Variants in RTL9 observed in about 807,000 individuals in gnomAD.
RTL9 encodes retrotransposon Gag like 9.
Under a neutral mutation model 44.7 loss-of-function variants are expected in RTL9, and 19 were observed. The observed-to-expected ratio is 0.42, with a 90% CI of 0.30 to 0.62. The LOEUF is 0.62. RTL9 is among the 20% of genes least tolerant of loss of function. The pLI, the probability that RTL9 is intolerant of heterozygous loss-of-function variation, is 0.16. For synonymous variants in RTL9, 407 were observed against 398.9 expected, an observed-to-expected ratio of 1.02 and a Z score of -0.24; for missense variants, 1,105 against 1,080.6, an observed-to-expected ratio of 1.02 and a Z score of -0.32.
chrX:110,425,408 C>T (rs2068746497), intron 1 of RTL9, among the ~76,000 whole-genome samples: 1 of 112,585 alleles, frequency 8.9e-6, no homozygotes, highest in African/African-American at 3.2e-5. Flanking sequence ...CCTGTGTTGC[C>T]ACAGGAGGGC....
chrX:110,412,462 C>A (rs1393977668), intron 1 of RTL9, among the ~76,000 whole-genome samples: 1 of 112,168 alleles, frequency 8.9e-6, no homozygotes, highest in Non-Finnish European at 1.9e-5. Context: ...GGTTAGACTG[C>A]CTAGGTTTGA....
At chrX:110,372,422 T>G (rs905622820) in intron 1 of RTL9, among the ~76,000 whole-genome samples, 5 of 112,203 alleles carry the variant, frequency 4.5e-5, no homozygotes, top group Non-Finnish European at 7.5e-5. Context: ...TGTGCATCCT[T>G]CCAGTATCTT....
chrX:110,374,465 T>C (rs757256364), intron 1 of RTL9, among the ~76,000 whole-genome samples: 87 of 112,268 alleles, frequency 7.7e-4, no homozygotes, highest in African/African-American at 2.7e-3. Flanking sequence ...TATTTATTTA[T>C]ATATTTGTGA....
At chrX:110,382,090 T>A (rs1047705753) in intron 1 of RTL9, among the ~76,000 whole-genome samples, 8 of 112,205 alleles carry the variant, frequency 7.1e-5, no homozygotes, top group Admixed American at 1.9e-4. Context: ...ACAGTATTTT[T>A]AAAAATTCTT....
chrX:110,452,039 A>G (rs1159154920), exon 1 of RTL9: 1 of 1,211,949 alleles, frequency 8.3e-7, no homozygotes, highest in Non-Finnish European at 1.1e-6. Context: ...AAACTTCTGG[A>G]GCAATGCCCA....
upstream of RTL9, among the ~76,000 whole-genome samples, chrX:110,417,803 A>T (rs776876465): frequency 8.9e-6 from 1 of 112,594 alleles, no homozygotes; most frequent in East Asian, 2.8e-4. Flanking sequence ...TTTACTGGCA[A>T]CTTCCAACAT....
intron 1 of RTL9, among the ~76,000 whole-genome samples, chrX:110,390,575 G>A (rs921402272): frequency 4.5e-5 from 5 of 111,209 alleles, no homozygotes; most frequent in African/African-American, 1.6e-4. Context: ...CTCCACTACT[G>A]TAGATCCAAA....
chrX:110,445,424 A>G (rs1024548583), intron 2 of RTL9, among the ~76,000 whole-genome samples, 156 bp downstream of exon 2: 1 of 111,948 alleles, frequency 8.9e-6, no homozygotes, highest in Non-Finnish European at 1.9e-5. Flanking sequence ...CACTCAGTAA[A>G]TGCTAGCTAT....
chrX:110,426,579 G>T (rs1384379599), intron 1 of RTL9: 1 of 112,186 alleles, frequency 8.9e-6, no homozygotes, highest in Non-Finnish European at 1.9e-5. Flanking sequence ...GAGACATGGC[G>T]TCTGAATATT....
At chrX:110,408,364 G>A (rs779596134) in intron 1 of RTL9, among the ~76,000 whole-genome samples, 3 of 112,109 alleles carry the variant, frequency 2.7e-5, no homozygotes, top group Non-Finnish European at 5.6e-5. Context: ...AAATGCAAGA[G>A]GGTATTCAGA....
At chrX:110,388,891 G>C (rs1023515748) in intron 1 of RTL9, among the ~76,000 whole-genome samples, 1 of 112,455 alleles carries the variant, frequency 8.9e-6, no homozygotes, top group African/African-American at 3.2e-5. Flanking sequence ...TGTACGTAGT[G>C]GGGAGAGTGT....
chrX:110,398,234 G>C (rs1264245528), intron 1 of RTL9, among the ~76,000 whole-genome samples: 1 of 112,060 alleles, frequency 8.9e-6, no homozygotes, highest in Admixed American at 9.4e-5. Flanking sequence ...AGGTGAACCC[G>C]CTGGCACCAC....
At chrX:110,391,556 C>G (rs1040285601) in intron 1 of RTL9, among the ~76,000 whole-genome samples, 2 of 112,061 alleles carry the variant, frequency 1.8e-5, no homozygotes, top group African/African-American at 6.5e-5. Context: ...CTGGCTTTTG[C>G]TCAGGCTACG....
At chrX:110,377,370 T>G (rs1434935865) in intron 1 of RTL9, among the ~76,000 whole-genome samples, 1 of 111,940 alleles carries the variant, frequency 8.9e-6, no homozygotes, top group Non-Finnish European at 1.9e-5. Context: ...CACCGATACC[T>G]ACAGTCTTCC....
intron 1 of RTL9, among the ~76,000 whole-genome samples, chrX:110,398,963 A>G (rs2068546194): frequency 8.9e-6 from 1 of 112,061 alleles, no homozygotes; most frequent in Non-Finnish European, 1.9e-5. Flanking sequence ...GCTATGACTG[A>G]TTATTGATAC....
chrX:110,376,202 C>T (rs866231227), intron 1 of RTL9, among the ~76,000 whole-genome samples: 3 of 111,511 alleles, frequency 2.7e-5, no homozygotes, highest in African/African-American at 9.8e-5. Context: ...TGCTAAGAGA[C>T]AGCAATTCAA....
chrX:110,447,111 CTT>C (rs1181988453), upstream of RTL9, among the ~76,000 whole-genome samples: 463 of 36,782 alleles, frequency 0.013, 3 homozygotes, highest in African/African-American at 0.068. Context: ...TATTCTGTGA[CTT>C]TTTTTTTTTT....
chrX:110,373,612 T>C (rs2068354896), intron 1 of RTL9, among the ~76,000 whole-genome samples: 1 of 112,602 alleles, frequency 8.9e-6, no homozygotes, highest in Non-Finnish European at 1.9e-5. Flanking sequence ...GGGAGAATTA[T>C]GTCCCAAGAA....
chrX:110,427,123 T>G (rs1223361979), intron 1 of RTL9, among the ~76,000 whole-genome samples: 1 of 111,813 alleles, frequency 8.9e-6, no homozygotes, highest in Non-Finnish European at 1.9e-5. Flanking sequence ...TGCCAGGGCT[T>G]TAGTTCAGGA....
Sources: allele counts gnomAD v4.1 joint callset (sites outside exome capture counted in the v4.1 genomes callset), GRCh38; gene constraint gnomAD v4.1.1; transcripts MANE v1.5; gene names NCBI Gene and HGNC (gene_info 2026-07-23, HGNC 2026-07-21).